Variants in PRTFDC1 observed in about 807,000 individuals in gnomAD.
PRTFDC1 encodes phosphoribosyltransferase domain-containing protein 1.
In PRTFDC1, 38 loss-of-function variants were observed where a neutral mutation model predicts 34.6. The ratio of observed to expected loss-of-function variants is 1.10; its 90% CI spans 0.85 to 1.44. The LOEUF is 1.44. PRTFDC1 is among the 40% of genes most tolerant of loss of function. PRTFDC1 has a pLI of 0.00. For missense variants in PRTFDC1, 270 were observed against 283.0 expected, an observed-to-expected ratio of 0.95 and a Z score of 0.33; for synonymous variants, 93 against 98.1, an observed-to-expected ratio of 0.95 and a Z score of 0.31.
chr10:24,895,688 GAT>G (rs762084915), intron 3 of PRTFDC1, among the ~76,000 whole-genome samples: 1,714 of 47,370 alleles, frequency 0.036, 26 homozygotes, highest in Middle Eastern at 0.054. Context: ...AGCTGGGGTG[GAT>G]ATATATATAT....
chr10:24,939,595 C>G lies in PRTFDC1; in HGVS notation c.156-2228G>C, dbSNP rs540077051. 2.3e-3 allele frequency among the ~76,000 whole-genome samples: 345 copies of G among 151,618 alleles called. 2 individuals are homozygous for G. Among genetic ancestry groups the G allele is most frequent in the Non-Finnish European group, 3.8e-3 (261 of 67,874 alleles). ...ATCCCTTCAGGTCAGGAGATCAAGA[C>G]CATCCTGGCCAACATGGTGAAACCC... On this transcript the variant is annotated intron_variant, in intron 2 of 8. Transcript: ENST00000320152.
At chr10:24,880,335 C>T (rs1013046351) in intron 3 of PRTFDC1, among the ~76,000 whole-genome samples, 1 of 151,842 alleles carries the variant, frequency 6.6e-6, no homozygotes, top group African/African-American at 2.4e-5. Context: ...TCACTGCAAC[C>T]TCTGCCTCCT....
At chr10:24,925,129 C>A (rs1001352387) in intron 3 of PRTFDC1, among the ~76,000 whole-genome samples, 3 of 152,168 alleles carry the variant, frequency 2.0e-5, no homozygotes, top group Non-Finnish European at 4.4e-5. Context: ...CTATGGAATA[C>A]TATGCAGCCA....
chr10:24,881,575 A>AT (rs1848080021), intron 3 of PRTFDC1, among the ~76,000 whole-genome samples: 1 of 152,182 alleles, frequency 6.6e-6, no homozygotes, highest in Admixed American at 6.5e-5. Context: ...GTCTGGCTGC[A>AT]TTTTTATCTT....
At chr10:24,886,396 G>A (rs1588592129) in intron 3 of PRTFDC1, among the ~76,000 whole-genome samples, 2 of 152,308 alleles carry the variant, frequency 1.3e-5, no homozygotes, top group Middle Eastern at 6.8e-3. Context: ...CAGCTGGGAA[G>A]TGATGTTGCT....
At chr10:24,932,967 T>G (rs1848992352) in intron 3 of PRTFDC1, among the ~76,000 whole-genome samples, 1 of 152,048 alleles carries the variant, frequency 6.6e-6, no homozygotes, top group South Asian at 2.1e-4. Context: ...ATATATAAAG[T>G]AAGCTGATTT....
intron 3 of PRTFDC1, among the ~76,000 whole-genome samples, chr10:24,905,573 A>T (rs1848521482): frequency 6.6e-6 from 1 of 151,972 alleles, no homozygotes; most frequent in African/African-American, 2.4e-5. Flanking sequence ...TCGGCCTCCC[A>T]AAGTGTTGGG....
intron 3 of PRTFDC1, 140 bp from the exon 4 acceptor site, chr10:24,872,203 C>T: frequency 1.4e-6 from 1 of 690,182 alleles, no homozygotes; most frequent in Admixed American, 2.6e-5. Flanking sequence ...TTCATGGTTG[C>T]CTATGGTTAC....
At chr10:24,876,693 CA>C (rs145392295) in intron 3 of PRTFDC1, among the ~76,000 whole-genome samples, 20,035 of 149,864 alleles carry the variant, frequency 0.13, 1,676 homozygotes, top group Non-Finnish European at 0.18. Flanking sequence ...GACTCCATCT[CA>C]AAAAAAAAAT....
chr10:24,854,145 CTGT>C (rs1847536074), intron 7 of PRTFDC1, among the ~76,000 whole-genome samples: 1 of 152,126 alleles, frequency 6.6e-6, no homozygotes, highest in East Asian at 1.9e-4. Context: ...TATTTTATTG[CTGT>C]TATTATAAGT....
chr10:24,855,443 G>T (rs914874640), intron 6 of PRTFDC1, 79 bp from the exon 7 acceptor site: 27 of 1,525,652 alleles, frequency 1.8e-5, no homozygotes, highest in Admixed American at 8.7e-5. Flanking sequence ...ATCATTAAAA[G>T]ATGTACTTGA....
chr10:24,869,425 T>G (rs771650571), intron 4 of PRTFDC1, among the ~76,000 whole-genome samples: 9 of 152,178 alleles, frequency 5.9e-5, no homozygotes, highest in Admixed American at 2.6e-4. Context: ...TGATTTTTAT[T>G]ACCTATCAAA....
intron 3 of PRTFDC1, among the ~76,000 whole-genome samples, chr10:24,884,807 T>A (rs1848137533): frequency 6.6e-6 from 1 of 151,840 alleles, no homozygotes; most frequent in Non-Finnish European, 1.5e-5. Context: ...AGGGTAGGGG[T>A]CTCAGCAGGA....
intron 3 of PRTFDC1, among the ~76,000 whole-genome samples, chr10:24,935,528 G>A (rs1320563064): frequency 6.6e-6 from 1 of 152,190 alleles, no homozygotes; most frequent in Non-Finnish European, 1.5e-5. Context: ...GTCACATGAG[G>A]AATGTGGAAG....
chr10:24,903,676 T>C (rs1483513641), intron 3 of PRTFDC1, among the ~76,000 whole-genome samples: 3 of 151,832 alleles, frequency 2.0e-5, no homozygotes, highest in Non-Finnish European at 4.4e-5. Flanking sequence ...TCATTTTGTG[T>C]ATCCACTCCT....
chr10:24,885,542 A>G (rs1565266020), intron 3 of PRTFDC1, among the ~76,000 whole-genome samples: 1 of 152,172 alleles, frequency 6.6e-6, no homozygotes, highest in Non-Finnish European at 1.5e-5. Flanking sequence ...AATAGCTGGG[A>G]TTACAGATGT....
At chr10:24,876,796 A>C (rs1847973255) in intron 3 of PRTFDC1, among the ~76,000 whole-genome samples, 2 of 151,610 alleles carry the variant, frequency 1.3e-5, no homozygotes, top group East Asian at 1.9e-4. Flanking sequence ...CAAACCTCCC[A>C]CCTCAGTCTC....
intron 7 of PRTFDC1, among the ~76,000 whole-genome samples, chr10:24,854,073 T>G (rs1210855943): frequency 2.6e-5 from 4 of 152,198 alleles, no homozygotes; most frequent in Non-Finnish European, 5.9e-5. Flanking sequence ...TGAGCTAATC[T>G]CTGTATAGCT....
intron 3 of PRTFDC1, among the ~76,000 whole-genome samples, chr10:24,891,781 C>T (rs375302317): frequency 6.6e-6 from 1 of 152,050 alleles, no homozygotes. Flanking sequence ...ACAAAAAAGA[C>T]AAAATATATG....
Sources: allele counts gnomAD v4.1 joint callset (sites outside exome capture counted in the v4.1 genomes callset), GRCh38; gene constraint gnomAD v4.1.1; transcripts MANE v1.5; gene names NCBI Gene and HGNC (gene_info 2026-07-23, HGNC 2026-07-21).